CEP112: variants seen among roughly 807,000 people sequenced by gnomAD.
CEP112 encodes the protein centrosomal protein 112.
In CEP112, 127 loss-of-function variants were observed where a neutral mutation model predicts 153.0. That is an observed-to-expected ratio of 0.83 (90% CI 0.72 to 0.96). The LOEUF is 0.96. Among genes scored for constraint, CEP112 ranks in the 40% least tolerant of loss-of-function variants. The pLI is 0.00. For synonymous variants in CEP112, 358 were observed against 374.4 expected (o/e 0.96, Z 0.51); for missense variants, 1,089 against 1,101.2 (o/e 0.99, Z 0.16).
At chr17:65,731,142 T>C (rs1316006564) in intron 23 of CEP112, among the ~76,000 whole-genome samples, 2 of 152,152 alleles carry the variant, frequency 1.3e-5, no homozygotes, top group East Asian at 3.9e-4. Context: ...TAACTTGGCT[T>C]TGGCATACAG....
chr17:66,110,121 C>T (rs887693387), intron 6 of CEP112, among the ~76,000 whole-genome samples: 1 of 152,140 alleles, frequency 6.6e-6, no homozygotes, highest in African/African-American at 2.4e-5. Flanking sequence ...GATTGTGCCA[C>T]TGCACTCCAG....
intron 21 of CEP112, among the ~76,000 whole-genome samples, chr17:65,754,441 C>T (rs1449320041): frequency 1.3e-5 from 2 of 151,744 alleles, no homozygotes; most frequent in African/African-American, 4.8e-5. Context: ...AAACCCTGTC[C>T]CTACAAAAAA....
intron 20 of CEP112, among the ~76,000 whole-genome samples, chr17:65,857,881 T>C (rs2058178033): frequency 6.6e-6 from 1 of 152,230 alleles, no homozygotes; most frequent in Non-Finnish European, 1.5e-5. Flanking sequence ...CTTGATATTG[T>C]ATATCTGGAA....
At chr17:66,114,147 T>A (rs1248645551) in intron 6 of CEP112, among the ~76,000 whole-genome samples, 1 of 152,220 alleles carries the variant, frequency 6.6e-6, no homozygotes. Context: ...ATAAATAACA[T>A]GTTTGCACAT....
chr17:66,167,015 A>G (rs2072002412), intron 4 of CEP112, among the ~76,000 whole-genome samples: 1 of 152,262 alleles, frequency 6.6e-6, no homozygotes, highest in Non-Finnish European at 1.5e-5. Context: ...CTTGAAAAAG[A>G]GGCCTATTAC....
At chr17:66,105,628 C>G (rs1326118565) in intron 6 of CEP112, among the ~76,000 whole-genome samples, 1 of 152,004 alleles carries the variant, frequency 6.6e-6, no homozygotes, top group Admixed American at 6.6e-5. Context: ...ACCCCGTCTT[C>G]ACAAAAATTC....
chr17:65,672,687 C>T (rs1053170020), intron 24 of CEP112, among the ~76,000 whole-genome samples: 3 of 152,124 alleles, frequency 2.0e-5, no homozygotes, highest in Admixed American at 2.0e-4. Context: ...AGTGGCAGAG[C>T]TGAGATCTGA....
intron 23 of CEP112, among the ~76,000 whole-genome samples, chr17:65,718,389 C>T (rs1047953914): frequency 1.0e-4 from 15 of 144,464 alleles, no homozygotes; most frequent in Admixed American, 9.8e-4. Flanking sequence ...GCCTGGGCAA[C>T]AAGAGCGAAA....
intron 4 of CEP112, among the ~76,000 whole-genome samples, chr17:66,163,095 C>A (rs1006302054): frequency 9.2e-5 from 14 of 152,054 alleles, no homozygotes; most frequent in Non-Finnish European, 2.9e-5. Flanking sequence ...AATTTCCTCT[C>A]AAGCAAAGGG....
chr17:65,991,453 A>C (rs1446958476), intron 17 of CEP112, among the ~76,000 whole-genome samples: 1 of 152,140 alleles, frequency 6.6e-6, no homozygotes, highest in Admixed American at 6.5e-5. Context: ...AAAAGTTACA[A>C]ACTTAATTAA....
intron 21 of CEP112, among the ~76,000 whole-genome samples, chr17:65,845,011 CA>C (rs1012784388): frequency 6.5e-5 from 9 of 139,260 alleles, no homozygotes; most frequent in Non-Finnish European, 7.8e-5. Context: ...GACTCTGTCT[CA>C]AAAAAAAAAA....
intron 18 of CEP112, among the ~76,000 whole-genome samples, chr17:65,930,992 T>G (rs1375966251): frequency 6.6e-6 from 1 of 152,268 alleles, no homozygotes; most frequent in African/African-American, 2.4e-5. Flanking sequence ...TTTATTCTTC[T>G]AGCACATTGT....
At chr17:65,764,786 C>G (rs1223769388) in intron 21 of CEP112, among the ~76,000 whole-genome samples, 2 of 150,182 alleles carry the variant, frequency 1.3e-5, no homozygotes, top group Non-Finnish European at 3.0e-5. Flanking sequence ...TAAGGACTTA[C>G]TACTGCTATG....
chr17:66,077,958 A>G (rs1194106725), intron 8 of CEP112, among the ~76,000 whole-genome samples: 2 of 152,232 alleles, frequency 1.3e-5, no homozygotes, highest in Non-Finnish European at 2.9e-5. Flanking sequence ...GCCAATGTCT[A>G]GAAGGGATTT....
intron 5 of CEP112, among the ~76,000 whole-genome samples, chr17:66,131,524 G>A (rs561071306): frequency 2.7e-5 from 4 of 149,814 alleles, no homozygotes; most frequent in South Asian, 2.1e-4. Context: ...GGCGGATCAC[G>A]AGGTCAGGAG....
chr17:66,164,878 A>G (rs936647215), intron 4 of CEP112, among the ~76,000 whole-genome samples: 1 of 129,692 alleles, frequency 7.7e-6, no homozygotes, highest in Non-Finnish European at 1.6e-5. Context: ...ATATATATAC[A>G]CACATATATG....
intron 8 of CEP112, among the ~76,000 whole-genome samples, chr17:66,093,434 T>G (rs2068220907): frequency 6.6e-6 from 1 of 151,864 alleles, no homozygotes; most frequent in African/African-American, 2.4e-5. Context: ...AAAAAAAAAT[T>G]TTTAAAGACT....
Position 66,009,189 on chromosome 17 carries a change from T to TTGTGTGTGTGTGTGTGTGTGTG in CEP112, c.1657-3442_1657-3421dup, listed in dbSNP as rs34971943. Among the ~76,000 whole-genome samples, 250 of 146,932 alleles carry TTGTGTGTGTGTGTGTGTGTGTG rather than the reference T, an allele frequency of 1.7e-3. 1 individual carries two copies. Among genetic ancestry groups the TTGTGTGTGTGTGTGTGTGTGTG allele is most frequent in the African/African-American group, 6.1e-3 (240 of 39,258 alleles). On this transcript the variant is annotated intron_variant, in intron 16 of 26. Transcript: ENST00000535342. ...ATCCTGGCCTACACTTGTTATCCCT[T>TTGTGTGTGTGTGTGTGTGTGTG]TGTGTGTGTGTGTGTGTGTGTGTGT...
At chr17:66,070,983 A>G (rs17632708) in intron 8 of CEP112, among the ~76,000 whole-genome samples, 61,539 of 152,010 alleles carry the variant, frequency 0.4, 14,033 homozygotes, top group East Asian at 0.87. Context: ...AAATGACCAT[A>G]CCCAGGACAA....
Sources: allele counts gnomAD v4.1 joint callset (sites outside exome capture counted in the v4.1 genomes callset), GRCh38; gene constraint gnomAD v4.1.1; transcripts MANE v1.5; gene names NCBI Gene and HGNC (gene_info 2026-07-23, HGNC 2026-07-21).